MDGA2: variants seen among roughly 807,000 people sequenced by gnomAD.
MDGA2 encodes MAM domain-containing glycosylphosphatidylinositol anchor protein 2.
MDGA2 carries 40 observed loss-of-function variants against 117.8 expected under a neutral mutation model. The observed-to-expected ratio is 0.34, with a 90% confidence interval of 0.26 to 0.44. The LOEUF (loss-of-function observed/expected upper bound fraction) is 0.44, where lower values mean the gene tolerates loss of function less well. Among genes scored for constraint, MDGA2 ranks in the 20% least tolerant of loss-of-function variants. MDGA2 has a pLI of 1.00. For synonymous variants in MDGA2, 452 were observed against 439.0 expected (o/e 1.03, Z -0.37); for missense variants, 1,123 against 1,250.6 (o/e 0.90, Z 1.54).
chr14:46,955,366 T>G (rs1885523230), intron 9 of MDGA2, among the ~76,000 whole-genome samples: 1 of 152,022 alleles, frequency 6.6e-6, no homozygotes, highest in Non-Finnish European at 1.5e-5. Context: ...GAAGCTCACT[T>G]AAACCTCATA....
intron 1 of MDGA2, among the ~76,000 whole-genome samples, chr14:47,343,857 T>C (rs897696657): frequency 3.3e-5 from 5 of 152,120 alleles, no homozygotes; most frequent in African/African-American, 1.2e-4. Context: ...GTAATATGCA[T>C]TAATTCAGAA....
At chr14:46,920,361 C>T (rs565189787) in intron 9 of MDGA2, among the ~76,000 whole-genome samples, 1 of 152,248 alleles carries the variant, frequency 6.6e-6, no homozygotes, top group African/African-American at 2.4e-5. Context: ...GAAGGAAGAA[C>T]ACAAAGCATT....
At chr14:47,367,313 G>T (rs1476200071) in intron 1 of MDGA2, among the ~76,000 whole-genome samples, 2 of 152,104 alleles carry the variant, frequency 1.3e-5, no homozygotes. Flanking sequence ...CCTATAGATT[G>T]CTATCCCTAA....
At chr14:47,272,052 A>C (rs1008501235) in intron 2 of MDGA2, among the ~76,000 whole-genome samples, 2 of 152,196 alleles carry the variant, frequency 1.3e-5, no homozygotes, top group Non-Finnish European at 2.9e-5. Flanking sequence ...TGACAAAGTC[A>C]AATGAAAATG....
intron 5 of MDGA2, among the ~76,000 whole-genome samples, chr14:47,099,864 C>A (rs182128123): frequency 2.6e-4 from 40 of 151,926 alleles, no homozygotes; most frequent in Non-Finnish European, 4.4e-4. Flanking sequence ...ATAGCTAGTA[C>A]AAAGGATGCA....
intron 1 of MDGA2, among the ~76,000 whole-genome samples, chr14:47,540,105 C>T (rs1421503087): frequency 6.6e-6 from 1 of 152,154 alleles, no homozygotes; most frequent in African/African-American, 2.4e-5. Flanking sequence ...CTCCGCCCCC[C>T]GGGGTTCACG....
At chr14:46,912,241 G>T (rs1214041161) in intron 10 of MDGA2, among the ~76,000 whole-genome samples, 1 of 151,882 alleles carries the variant, frequency 6.6e-6, no homozygotes, top group Non-Finnish European at 1.5e-5. Context: ...TTAAAATTTT[G>T]TTTGTAAGTA....
intron 8 of MDGA2, among the ~76,000 whole-genome samples, chr14:47,001,193 A>T (rs1015445363): frequency 8.5e-5 from 13 of 152,106 alleles, no homozygotes; most frequent in Non-Finnish European, 1.5e-4. Flanking sequence ...ACAAAATATA[A>T]GCAAATTTTA....
intron 1 of MDGA2, among the ~76,000 whole-genome samples, chr14:47,303,127 G>T (rs531547147): frequency 6.6e-6 from 1 of 152,206 alleles, no homozygotes; most frequent in African/African-American, 2.4e-5. Flanking sequence ...AAGGTGTTCA[G>T]AGACCTGATA....
At chr14:47,253,666 C>T (rs191782772) in intron 2 of MDGA2, among the ~76,000 whole-genome samples, 2 of 152,266 alleles carry the variant, frequency 1.3e-5, no homozygotes, top group Admixed American at 6.5e-5. Context: ...AAGCACGGTG[C>T]AAGCTGTTGG....
Position 47,092,622 on chromosome 14 carries a change from G to C in MDGA2, c.1195+4232C>G, listed in dbSNP as rs538720880. Among the ~76,000 whole-genome samples the C allele has an allele frequency of 7.2e-5, 11 of 152,202 alleles. No individual in the cohort carries two copies. The East Asian group carries it at 9.7e-4, about 13-fold the overall frequency. On this transcript the variant is annotated intron_variant, in intron 6 of 16. Transcript: ENST00000399232. ...GCTTTCCATGGGACCTGTCAGCTTT[G>C]AAATATTTTCCCTCCAATGTTGCCT... is the stretch of plus-strand genomic sequence containing the variant.
intron 1 of MDGA2, chr14:47,343,014 CCA>C: frequency 8.0e-7 from 1 of 1,242,392 alleles, no homozygotes; most frequent in Non-Finnish European, 1.1e-6. Flanking sequence ...GGGGAGTCAG[CCA>C]CAGAGTGGGA....
intron 1 of MDGA2, among the ~76,000 whole-genome samples, chr14:47,656,213 T>C (rs1270667326): frequency 6.6e-6 from 1 of 152,124 alleles, no homozygotes; most frequent in Non-Finnish European, 1.5e-5. Context: ...AATGATACAT[T>C]TGGGACTGAG....
chr14:46,975,181 A>T (rs547005682), intron 8 of MDGA2, among the ~76,000 whole-genome samples: 324 of 152,224 alleles, frequency 2.1e-3, no homozygotes, highest in Non-Finnish European at 2.3e-3. Flanking sequence ...ACTACTTTTT[A>T]AAAAAAGAAA....
At chr14:47,142,960 A>G (rs1346855677) in intron 4 of MDGA2, among the ~76,000 whole-genome samples, 1 of 152,228 alleles carries the variant, frequency 6.6e-6, no homozygotes, top group Non-Finnish European at 1.5e-5. Flanking sequence ...CAAAACAGGA[A>G]TATATATGAT....
intron 8 of MDGA2, among the ~76,000 whole-genome samples, chr14:46,976,566 C>T (rs1388144037): frequency 6.6e-6 from 1 of 151,612 alleles, no homozygotes; most frequent in African/African-American, 2.4e-5. Flanking sequence ...TGCATAAAAA[C>T]CAATCTATGA....
chr14:46,964,261 C>T (rs1419560540), intron 8 of MDGA2, among the ~76,000 whole-genome samples: 1 of 152,146 alleles, frequency 6.6e-6, no homozygotes, highest in African/African-American at 2.4e-5. Flanking sequence ...CATTAGAGAC[C>T]AGATCAGCTA....
intron 8 of MDGA2, among the ~76,000 whole-genome samples, chr14:46,961,430 G>C (rs1224100348): frequency 6.6e-6 from 1 of 152,042 alleles, no homozygotes; most frequent in African/African-American, 2.4e-5. Flanking sequence ...ATTCGTCTGA[G>C]CTAATTCAGT....
chr14:47,510,241 A>G (rs1338746421), intron 1 of MDGA2, among the ~76,000 whole-genome samples: 1 of 152,144 alleles, frequency 6.6e-6, no homozygotes, highest in Non-Finnish European at 1.5e-5. Context: ...AACCTAGAAG[A>G]GAGCCCTCAC....
Sources: gnomAD v4.1 joint callset for allele counts (sites outside exome capture counted in the v4.1 genomes callset) on GRCh38, gnomAD v4.1.1 for gene constraint, MANE v1.5 for transcripts, NCBI Gene and HGNC (gene_info 2026-07-23, HGNC 2026-07-21) for gene names.